VPS13A: variants seen among roughly 807,000 people sequenced by gnomAD.
VPS13A encodes the protein vacuolar protein sorting 13 homolog A.
A neutral mutation model predicts 390.9 loss-of-function variants in VPS13A; 264 were observed. The ratio of observed to expected loss-of-function variants is 0.68; its 90% CI spans 0.61 to 0.75. The LOEUF is 0.75. Among genes scored for constraint, VPS13A ranks in the 30% least tolerant of loss-of-function variants. VPS13A has a pLI of 0.00. For synonymous variants in VPS13A, 1,231 were observed against 1,227.1 expected (o/e 1.00, Z -0.07); for missense variants, 3,409 against 3,733.9 (o/e 0.91, Z 2.27).
intron 68 of VPS13A, among the ~76,000 whole-genome samples, chr9:77,389,510 G>T (rs1395434560): frequency 1.3e-5 from 2 of 151,994 alleles, no homozygotes; most frequent in Non-Finnish European, 2.9e-5. Context: ...GTCTTGCTAT[G>T]TGGCCCGGGC....
In VPS13A at chr9:77,199,960, A is replaced by G. The variant is rs960135788; in HGVS notation, c.116A>G (p.Lys39Arg). Residue 39 changes from lysine to arginine, a missense_variant, in exon 2 of 72, where the codon AAG (lysine) becomes AGG (arginine). Lys to Arg is a conservative substitution (Grantham distance 26, BLOSUM62 2). Around this residue, in one of 5 missense-constraint regions of VPS13A, gnomAD observed 2,717 missense variants for 2,917.4 expected, o/e 0.93. Transcript: ENST00000360280. Reference protein sequence around the residue: ...LGIWKGAVALKNLQIKENALS... With the variant: ...LGIWKGAVALRNLQIKENALS... ...TCTTTTTTAGGAGCTGTGGCCCTCA[A>G]GAATCTTCAAATTAAAGAAAATGCC... 3.7e-6 allele frequency: 6 copies of G among 1,608,362 alleles called. No individual in the cohort carries two copies. In the African/African-American group the frequency reaches 6.7e-5, roughly 18 times the overall value.
At position 77,206,030 on chromosome 9, in the gene VPS13A, A is replaced by C; in HGVS notation, c.336A>C (p.Gln112His). The part of the protein sequence containing the change: ...KEEKQLMEAK[Q>H]QELKRIEEAK... ...AGAAACAACTCATGGAAGCAAAGCA[A>C]CAGGAACTGAAAAGAATAGAAGAAG... is the stretch of plus-strand genomic sequence containing the variant. The change falls in exon 5 of 72, where the codon CAA (glutamine) becomes CAC (histidine). Residue 112 changes from glutamine to histidine, a missense_variant. By Grantham distance (24) the Gln-to-His change is conservative. Coordinates refer to ENST00000360280, the MANE Select transcript of VPS13A (RefSeq NM_033305.3). 1 of 1,585,210 alleles carries C rather than the reference A, an allele frequency of 6.3e-7. No homozygotes were observed. The highest frequency in any genetic ancestry group is 8.6e-7 in the Non-Finnish European group (1 of 1,163,756).
chr9:77,333,373 T>C (rs1830376615), intron 46 of VPS13A, among the ~76,000 whole-genome samples: 1 of 152,054 alleles, frequency 6.6e-6, no homozygotes, highest in Non-Finnish European at 1.5e-5. Flanking sequence ...GACTAAGTAC[T>C]TCATCTTAAG....
At chr9:77,395,146 A>G (rs573384032) in intron 68 of VPS13A, among the ~76,000 whole-genome samples, 1 of 152,302 alleles carries the variant, frequency 6.6e-6, no homozygotes, top group East Asian at 1.9e-4. Context: ...AGCTTTTGAC[A>G]TGTCTTTCTC....
At chr9:77,343,293 T>G (rs760256375) in intron 50 of VPS13A, among the ~76,000 whole-genome samples, 3 of 152,234 alleles carry the variant, frequency 2.0e-5, no homozygotes, top group Admixed American at 6.5e-5. Flanking sequence ...GCATGTCTCA[T>G]ATCTAGTTCC....
Position 77,360,536 on chromosome 9 carries a change from G to A in VPS13A, c.8106G>A (p.Lys2702=), listed in dbSNP as rs1043419585. 1 of 1,601,770 alleles carries A rather than the reference G, an allele frequency of 6.2e-7. No individual in the cohort carries two copies. The highest frequency in any genetic ancestry group is 1.1e-5 in the South Asian group (1 of 90,788). The change falls in exon 59 of 72, where the codon AAG becomes AAA. Residue 2702 remains lysine, a splice_region_variant and synonymous_variant. Coordinates refer to ENST00000360280, the MANE Select transcript of VPS13A (RefSeq NM_033305.3). ...AAATGTTTTCTACTTTGTAATACAGGTATTTCAAAGTATTGATTCAAGAAA... is the reference window on the plus strand; with the variant it reads ...AAATGTTTTCTACTTTGTAATACAGATATTTCAAAGTATTGATTCAAGAAA... ...SAGHSQISRI[K]YFKVLIQEMD...
rs1835313451 is a variant in VPS13A at position 77,420,659 on chromosome 9, G to A, written c.*4653G>A. 1 of 150,954 alleles carries A rather than the reference G, an allele frequency of 6.6e-6. No individual in the cohort carries two copies. The highest frequency in any genetic ancestry group is 1.5e-5 in the Non-Finnish European group (1 of 67,992). The allele number at this position is 150,954 out of a possible 1,614,324, so 9.4% of individuals were successfully genotyped here. A position where few individuals can be genotyped will look rare whatever the true frequency, so the allele number is the denominator to read the frequency against. On this transcript the variant is annotated 3_prime_UTR_variant, in exon 72 of 72. Coordinates refer to ENST00000360280, the MANE Select transcript of VPS13A (RefSeq NM_033305.3). ...CACACTGCTATGATAGAAAATCCCT[G>A]TCTGTCATTGAACTATTCATTTAGT...
intron 31 of VPS13A, among the ~76,000 whole-genome samples, chr9:77,287,103 T>C (rs1827370873): frequency 6.7e-6 from 1 of 149,358 alleles, no homozygotes; most frequent in Non-Finnish European, 1.5e-5. Context: ...TATATAATTA[T>C]ATAGATACAA....
At chr9:77,269,348 A>G (rs906046419) in intron 23 of VPS13A, among the ~76,000 whole-genome samples, 3 of 152,150 alleles carry the variant, frequency 2.0e-5, no homozygotes, top group Non-Finnish European at 4.4e-5. Flanking sequence ...AGTTGACTAT[A>G]TATGTGTAAG....
rs760470588 is a variant in VPS13A, at chr9:77,337,397, A to T, written c.6238A>T (p.Asn2080Tyr). The T allele has an allele frequency of 4.3e-6, 7 of 1,612,826 alleles. No homozygotes were observed. The highest frequency in any genetic ancestry group is 5.9e-6 in the Non-Finnish European group (7 of 1,178,984). ...KNPSKESFLINIVPEKDNLTS... is the reference protein window; with the variant it reads ...KNPSKESFLIYIVPEKDNLTS... ...CCCTTCTAAGGAATCATTTCTCATT[A>T]ATATTGTTCCAGAAAAAGATAATTT... The change falls in exon 47 of 72, where the codon AAT becomes TAT. Residue 2080 changes from asparagine to tyrosine, a missense_variant. Asn to Tyr is a moderately radical substitution (Grantham distance 143). This residue lies in a region of VPS13A where 2,717 missense variants were observed against 2,917.4 expected (regional missense o/e 0.93). Transcript: ENST00000360280.
rs1369942680 is a variant in VPS13A at position 77,417,806 on chromosome 9, A to G, written c.*1800A>G. ...AGAAATTCTTCTGGTGCCCTCTGGC[A>G]GCCAGCAGGAGTGGGTCTTGTGACT... On this transcript the variant is annotated 3_prime_UTR_variant, in exon 72 of 72. Coordinates refer to ENST00000360280, the MANE Select transcript of VPS13A (RefSeq NM_033305.3). The G allele has an allele frequency of 2.0e-5, 3 of 152,212 alleles. No homozygotes were observed. Among genetic ancestry groups the G allele is most frequent in the Non-Finnish European group, 4.4e-5 (3 of 68,042 alleles). 9.4% of individuals were successfully genotyped at this position (152,212 alleles called of 1,614,324 possible).
chr9:77,399,196 A>C (rs866417408), intron 68 of VPS13A, among the ~76,000 whole-genome samples: 27 of 107,338 alleles, frequency 2.5e-4, no homozygotes, highest in Middle Eastern at 4.4e-3. Context: ...AAAAAAAAAA[A>C]AAAAAAAAAC....
In VPS13A at chr9:77,402,548, G is replaced by A. The variant is rs553008752; in HGVS notation, c.9190-688G>A. ...TATGTACTTTAAATAGCTGAAGTAC[G>A]TCCATCCTCAGAGCAAATATTACTG... On this transcript the variant is annotated intron_variant, in intron 68 of 71. Coordinates refer to ENST00000360280, the MANE Select transcript of VPS13A (RefSeq NM_033305.3). Among the ~76,000 whole-genome samples the A allele has an allele frequency of 8.5e-5, 13 of 152,260 alleles. No homozygotes were observed. The South Asian group carries it at 1.9e-3, about 22-fold the overall frequency.
At chr9:77,253,569 T>C (rs544273424) in intron 22 of VPS13A, among the ~76,000 whole-genome samples, 1 of 152,276 alleles carries the variant, frequency 6.6e-6, no homozygotes, top group South Asian at 2.1e-4. Flanking sequence ...CCTCCCAAAG[T>C]GCTGGGATTA....
intron 35 of VPS13A, among the ~76,000 whole-genome samples, chr9:77,313,122 T>C (rs1405258579): frequency 6.6e-6 from 1 of 152,196 alleles, no homozygotes; most frequent in African/African-American, 2.4e-5. Context: ...AGCAACATGG[T>C]TGAATCTCAG....
chr9:77,260,204 GC>G lies in VPS13A; in HGVS notation c.2411del (p.Pro804LeufsTer22). ...PKPEPVTEVS[A>X]PVKSFQIQTS... Reference sequence around the variant, plus strand: ...ACCTGAACCAGTAACTGAAGTATCTGCCCCTGTCAAATCATTCCAGGTAATG... The same window carrying G: ...ACCTGAACCAGTAACTGAAGTATCTGCCCTGTCAAATCATTCCAGGTAATG... On this transcript the variant is annotated frameshift_variant, in exon 23 of 72. Coordinates refer to ENST00000360280, the MANE Select transcript of VPS13A (RefSeq NM_033305.3). LOFTEE classifies it high-confidence loss of function. 6.2e-7 allele frequency: 1 copy of G among 1,613,348 alleles called. No individual in the cohort carries two copies. The highest frequency in any genetic ancestry group is 8.5e-7 in the Non-Finnish European group (1 of 1,179,648).
At chr9:77,303,808 G>A (rs1291632597) in intron 34 of VPS13A, among the ~76,000 whole-genome samples, 1 of 152,156 alleles carries the variant, frequency 6.6e-6, no homozygotes, top group African/African-American at 2.4e-5. Context: ...GAATAACAAA[G>A]CAGCATTACT....
At chr9:77,186,274 C>G (rs773097179) in intron 1 of VPS13A, among the ~76,000 whole-genome samples, 3 of 152,078 alleles carry the variant, frequency 2.0e-5, no homozygotes, top group Non-Finnish European at 4.4e-5. Context: ...CTGTAATAAT[C>G]CAATGCATTG....
chr9:77,237,532 CT>C (rs903975681), intron 17 of VPS13A, among the ~76,000 whole-genome samples: 1 of 151,426 alleles, frequency 6.6e-6, no homozygotes, highest in African/African-American at 2.4e-5. Context: ...ACCTGGCTAA[CT>C]TTTGTATTTT....
Sources: allele counts gnomAD v4.1 joint callset (sites outside exome capture counted in the v4.1 genomes callset), GRCh38; gene constraint gnomAD v4.1.1; regional missense constraint gnomAD v4.1.1; transcripts MANE v1.5; gene names NCBI Gene and HGNC (gene_info 2026-07-23, HGNC 2026-07-21).